The following GON4L variants were observed in gnomAD, a reference collection of about 807,000 sequenced individuals.
GON4L encodes the protein gon-4 like.
GON4L carries 87 observed loss-of-function variants against 211.8 expected under a neutral mutation model. That is an observed-to-expected ratio of 0.41 (90% confidence interval 0.35 to 0.49). The LOEUF is 0.49. Among genes scored for constraint, GON4L ranks in the 20% least tolerant of loss-of-function variants. GON4L has a pLI of 0.15. For synonymous variants in GON4L, 875 were observed against 962.6 expected (o/e 0.91, Z 1.68); for missense variants, 2,155 against 2,659.5 (o/e 0.81, Z 4.17).
chr1:155,841,377 A>G (rs968312533), intron 2 of GON4L, among the ~76,000 whole-genome samples: 8 of 152,230 alleles, frequency 5.3e-5, no homozygotes, highest in African/African-American at 1.9e-4. Context: ...CAAATCAAGG[A>G]CAGGCACACA....
rs534394121 is a variant in GON4L at position 155,756,471 on chromosome 1, G to GT, written c.5517+486dup. The GT allele has an allele frequency of 6.2e-4, 98 of 158,292 alleles. 1 individual carries two copies. Among genetic ancestry groups the GT allele is most frequent in the South Asian group, 1.1e-3 (6 of 5,482 alleles). 9.8% of individuals were successfully genotyped at this position (158,292 alleles called of 1,614,324 possible). A position where few individuals can be genotyped will look rare whatever the true frequency, so the allele number is the denominator to read the frequency against. On this transcript the variant is annotated intron_variant, in intron 27 of 31. Transcript: ENST00000368331. Reference sequence around the variant, plus strand: ...GTTTTCCCAAAGGCTCTGCATGTCTGTATCAGCCTGACCTTTGGTTTGTTC... The same window carrying GT: ...GTTTTCCCAAAGGCTCTGCATGTCTGTTATCAGCCTGACCTTTGGTTTGTTC...
rs1662046491 is a variant in GON4L, at chr1:155,763,374, T to G, written c.4664A>C (p.Lys1555Thr). The G allele has an allele frequency of 2.5e-6, 4 of 1,613,090 alleles. No homozygotes were observed. Among genetic ancestry groups the G allele is most frequent in the Non-Finnish European group, 3.4e-6 (4 of 1,179,490 alleles). Residue 1555 changes from lysine to threonine, a missense_variant, in exon 22 of 32, where the codon AAG becomes ACG. Transcript: ENST00000368331. Reference sequence around the variant, plus strand: ...CTCAGGTGAAGCAAAAGTAGGAGGCTTCTCAGCAGAGTCTCCAACTGCTTC... The same window carrying G: ...CTCAGGTGAAGCAAAAGTAGGAGGCGTCTCAGCAGAGTCTCCAACTGCTTC... ...TDEAVGDSAE[K>T]PPTFASPETA...
At chr1:155,775,589 G>T (rs1293636546) in intron 16 of GON4L, among the ~76,000 whole-genome samples, 1 of 151,680 alleles carries the variant, frequency 6.6e-6, no homozygotes, top group South Asian at 2.1e-4. Context: ...CGAGTAGCTG[G>T]GATTAATTAC....
In GON4L at chr1:155,826,264, A is replaced by T. The variant is rs1432099238; in HGVS notation, c.697+573T>A. 2.0e-5 allele frequency among the ~76,000 whole-genome samples: 3 copies of T among 151,952 alleles called. No individual in the cohort carries two copies. In the East Asian group the frequency reaches 5.9e-4, roughly 30 times the overall value. On this transcript the variant is annotated intron_variant, in intron 3 of 31. Transcript: ENST00000368331. Reference sequence around the variant, plus strand: ...ACACACGATTCCATTCAAATAAAAGACAAAAAGACAGAACAACTGGCTAGG... The same window carrying T: ...ACACACGATTCCATTCAAATAAAAGTCAAAAAGACAGAACAACTGGCTAGG...
chr1:155,802,705 C>T (rs185381514), intron 11 of GON4L, among the ~76,000 whole-genome samples: 1 of 152,308 alleles, frequency 6.6e-6, no homozygotes, highest in East Asian at 1.9e-4. Context: ...CCTGTAATCT[C>T]AGCACTTTGG....
At chr1:155,829,523 C>T (rs184077527) in intron 2 of GON4L, among the ~76,000 whole-genome samples, 25 of 152,156 alleles carry the variant, frequency 1.6e-4, no homozygotes, top group Non-Finnish European at 2.6e-4. Flanking sequence ...TCACCTGAAC[C>T]GGGGAGGCAG....
chr1:155,833,746 A>AGGAGGAGG (rs1173358183), intron 2 of GON4L, among the ~76,000 whole-genome samples: 2 of 63,306 alleles, frequency 3.2e-5, no homozygotes, highest in Non-Finnish European at 5.8e-5. Flanking sequence ...AGGGGAGGAG[A>AGGAGGAGG]GGAGGAGGGG....
At chr1:155,780,534 AG>A (rs1249498188) in intron 14 of GON4L, among the ~76,000 whole-genome samples, 1 of 152,150 alleles carries the variant, frequency 6.6e-6, no homozygotes, top group Non-Finnish European at 1.5e-5. Context: ...CAGAGGTTGC[AG>A]TGAGCCGAGA....
intron 14 of GON4L, among the ~76,000 whole-genome samples, chr1:155,783,142 T>C (rs1253829094): frequency 1.3e-5 from 2 of 152,216 alleles, no homozygotes; most frequent in African/African-American, 4.8e-5. Context: ...TTGAGGTTTT[T>C]GATGTAGTTG....
intron 23 of GON4L, among the ~76,000 whole-genome samples, chr1:155,761,750 C>T (rs1330245922): frequency 2.0e-5 from 3 of 152,142 alleles, no homozygotes; most frequent in African/African-American, 7.2e-5. Context: ...CCACCTCGGC[C>T]TCCCAAAGTG....
At chr1:155,801,274 T>TC (rs1666635916) in intron 11 of GON4L, among the ~76,000 whole-genome samples, 1 of 152,178 alleles carries the variant, frequency 6.6e-6, no homozygotes, top group Non-Finnish European at 1.5e-5. Context: ...TACATTTTTT[T>TC]CTGGGGGAAG....
Position 155,767,500 on chromosome 1 carries a change from G to C in GON4L, c.2688C>G (p.Cys896Trp), listed in dbSNP as rs1662643180. Residue 896 changes from cysteine to tryptophan, a missense_variant, in exon 20 of 32, where the codon TGC (cysteine) becomes TGG (tryptophan). Coordinates refer to ENST00000368331, the MANE Select transcript of GON4L (RefSeq NM_001282860.2). Reference sequence around the variant, plus strand: ...ACTGATGTGGCTGGATCTCTTCACAGCATTTTCCTAGGACTGGCAGCTGTT... The same window carrying C: ...ACTGATGTGGCTGGATCTCTTCACACCATTTTCCTAGGACTGGCAGCTGTT... ...KTKQLPVLGK[C>W]CEEIQPHQWK... 2.0e-5 allele frequency: 32 copies of C among 1,611,032 alleles called. No individual in the cohort carries two copies. Among genetic ancestry groups the C allele is most frequent in the Non-Finnish European group, 2.5e-5 (30 of 1,177,498 alleles).
chr1:155,763,351 C>G lies in GON4L; in HGVS notation c.4687G>C (p.Glu1563Gln). ...AEKPPTFASP[E>Q]TAPEVETSRT... ...CTGGTCTCCACTTCTGGAGCAGTCT[C>G]AGGTGAAGCAAAAGTAGGAGGCTTC... is the stretch of plus-strand genomic sequence containing the variant. The change falls in exon 22 of 32, where the codon GAG (glutamate) becomes CAG (glutamine). Residue 1563 changes from glutamate to glutamine, a missense_variant. Transcript: ENST00000368331. 2 of 1,613,844 alleles carry G rather than the reference C, an allele frequency of 1.2e-6. No individual in the cohort carries two copies. The highest frequency in any genetic ancestry group is 1.7e-6 in the Non-Finnish European group (2 of 1,179,828).
chr1:155,839,495 C>A (rs1670591467), intron 2 of GON4L, among the ~76,000 whole-genome samples: 1 of 152,062 alleles, frequency 6.6e-6, no homozygotes, highest in African/African-American at 2.4e-5. Context: ...CTAAAAAATA[C>A]AAAAATTAGC....
At chr1:155,842,523 CAAAAAAAAAAAA>C (rs71591917) in intron 2 of GON4L, among the ~76,000 whole-genome samples, 9 of 25,998 alleles carry the variant, frequency 3.5e-4, no homozygotes, top group Non-Finnish European at 3.7e-4. Context: ...GACTCCATCT[CAAAAAAAAAAAA>C]AAAAAAAAAA....
At chr1:155,808,855 A>G (rs531406597) in intron 10 of GON4L, among the ~76,000 whole-genome samples, 1 of 151,624 alleles carries the variant, frequency 6.6e-6, no homozygotes, top group South Asian at 2.1e-4. Flanking sequence ...CAAGTGATCC[A>G]CTCTCCTTGG....
At chr1:155,806,128 T>A (rs894275008) in intron 10 of GON4L, among the ~76,000 whole-genome samples, 1 of 150,806 alleles carries the variant, frequency 6.6e-6, no homozygotes, top group Non-Finnish European at 1.5e-5. Flanking sequence ...GCTGGGACTA[T>A]CGGCATGCTC....
chr1:155,813,216 G>A (rs1667949808), intron 10 of GON4L, among the ~76,000 whole-genome samples: 1 of 152,130 alleles, frequency 6.6e-6, no homozygotes, highest in African/African-American at 2.4e-5. Flanking sequence ...AGGATCACTT[G>A]AGCCCAGGAG....
intron 3 of GON4L, 99 bp from the exon 4 acceptor site, chr1:155,822,575 T>C (rs1668830729): frequency 1.2e-6 from 1 of 863,632 alleles, no homozygotes; most frequent in Non-Finnish European, 1.9e-6. Flanking sequence ...TCAAAAGCAT[T>C]ATGCTGTGAA....
Sources: gnomAD v4.1 joint callset for allele counts (sites outside exome capture counted in the v4.1 genomes callset) on GRCh38, gnomAD v4.1.1 for gene constraint, MANE v1.5 for transcripts, NCBI Gene and HGNC (gene_info 2026-07-23, HGNC 2026-07-21) for gene names.